MUC3A: variants seen among roughly 807,000 people sequenced by gnomAD.
MUC3A encodes the protein mucin-3A.
MUC3A carries 109 observed loss-of-function variants against 109.0 expected under a neutral mutation model. The observed-to-expected ratio is 1.00, with a 90% CI of 0.86 to 1.17. MUC3A has a LOEUF of 1.17. Among genes scored for constraint, MUC3A ranks in the 50% most tolerant of loss-of-function variants. The pLI is 0.00. For missense variants in MUC3A, 3,537 were observed against 2,469.4 expected, an observed-to-expected ratio of 1.43 and a Z score of -9.16; for synonymous variants, 1,398 against 981.4, an observed-to-expected ratio of 1.42 and a Z score of -7.93.
rs1307200115 is a variant in MUC3A, at chr7:100,951,914, C to T, written c.135C>T (p.Ser45=). ...PRAEAASAVL[S]NSPHSRDLAG... is the part of the protein sequence containing the mutation. Reference sequence around the variant, plus strand: ...CAGAAGCAGCCAGCGCTGTGCTCAGCAATTCTCCACACTCCAGAGACCTGG... The same window carrying T: ...CAGAAGCAGCCAGCGCTGTGCTCAGTAATTCTCCACACTCCAGAGACCTGG... The change falls in exon 2 of 12, where the codon AGC becomes AGT. Residue 45 remains serine (S), a synonymous_variant. Transcript: ENST00000379458. The T allele has an allele frequency of 2.5e-6, 4 of 1,598,516 alleles. No homozygotes were observed. The highest frequency in any genetic ancestry group is 1.3e-5 in the African/African-American group (1 of 74,958).
At chr7:100,966,177 C>T in intron 8 of MUC3A, 1 of 546,298 alleles carries the variant, frequency 1.8e-6, no homozygotes, top group Non-Finnish European at 2.8e-6. Context: ...GCCCTGCCCA[C>T]TTGATCTAAG....
chr7:100,967,034 A>T, intron 11 of MUC3A, 83 bp downstream of exon 11: 2 of 1,598,444 alleles, frequency 1.3e-6, no homozygotes, highest in Non-Finnish European at 1.7e-6. Flanking sequence ...CAGGGCAGGG[A>T]GGGGGCTGGG....
chr7:100,953,197 C>G lies in MUC3A; in HGVS notation c.1418C>G (p.Thr473Arg). 3.3e-6 allele frequency: 2 copies of G among 599,498 alleles called. No homozygotes were observed. The highest frequency in any genetic ancestry group is 2.8e-5 in the East Asian group (1 of 35,988). 37.1% of individuals were successfully genotyped at this position (599,498 alleles called of 1,614,324 possible). Residue 473 changes from threonine (T) to arginine (R), a missense_variant, in exon 2 of 12, where the codon ACG becomes AGG. Physicochemically the swap from Thr to Arg is moderately conservative, Grantham distance 71. Transcript: ENST00000379458. ...TTATDLTSTFTVSSSSAMSTS... is the reference protein window; with the variant it reads ...TTATDLTSTFRVSSSSAMSTS... ...GCAACAGACCTCACATCAACATTCA[C>G]GGTTTCCAGTTCCTCAGCAATGTCC...
In MUC3A at chr7:100,967,488, A is replaced by C. The variant is rs1282241896; in HGVS notation, c.*326A>C. On this transcript the variant is annotated 3_prime_UTR_variant, in exon 12 of 12. Transcript: ENST00000379458. The stretch of plus-strand genomic sequence containing the variant: ...TTGTGAAAACCACATAGACTTGGTC[A>C]ATTCTCGGTCCTACTCTGCCCTCCC... 1.1e-5 allele frequency: 6 copies of C among 556,926 alleles called. No individual in the cohort carries two copies. The highest frequency in any genetic ancestry group is 7.5e-5 in the African/African-American group (4 of 53,342). The allele number at this position is 556,926 out of a possible 1,614,324, so 34.5% of individuals were successfully genotyped here.
In MUC3A at chr7:100,958,152, C is replaced by T; in HGVS notation, c.6373C>T (p.Pro2125Ser). Residue 2125 changes from proline to serine, a missense_variant, in exon 2 of 12, where the codon CCC (proline) becomes TCC (serine). Coordinates refer to ENST00000379458, the MANE Select transcript of MUC3A (RefSeq NM_005960.2). Reference protein sequence around the residue: ...TTSEMPSHSTPSFTSSITTTE... With the variant: ...TTSEMPSHSTSSFTSSITTTE... Reference sequence around the variant, plus strand: ...CTCTGAGATGCCCTCACACAGTACTCCCAGCTTCACTTCTTCGATCACCAC... The same window carrying T: ...CTCTGAGATGCCCTCACACAGTACTTCCAGCTTCACTTCTTCGATCACCAC... The T allele has an allele frequency of 8.1e-7, 1 of 1,233,740 alleles. No individual in the cohort carries two copies. Among genetic ancestry groups the T allele is most frequent in the Non-Finnish European group, 1.2e-6 (1 of 859,678 alleles). The allele number at this position is 1,233,740 out of a possible 1,614,324, so 76.4% of individuals were successfully genotyped here.
chr7:100,965,187 C>T, intron 6 of MUC3A, 95 bp from the exon 7 acceptor site: 1 of 1,539,058 alleles, frequency 6.5e-7, no homozygotes, highest in Non-Finnish European at 8.7e-7. Context: ...GCCCTCACTG[C>T]CCTCCCTGTG....
chr7:100,965,860 C>T lies in MUC3A; in HGVS notation c.9605C>T (p.Thr3202Met), dbSNP rs587733528. ...TGCGTTCTGGAGACGAGCGGTCCCA[C>T]GTGTCGGTAAGGCCCCGCTCACCAT... ...GQCVLETSGPTCRCYSTDTHW... is the reference protein window; with the variant it reads ...GQCVLETSGPMCRCYSTDTHW... The change falls in exon 8 of 12, where the codon ACG becomes ATG. Residue 3202 changes from threonine (T) to methionine (M), a missense_variant. Coordinates refer to ENST00000379458, the MANE Select transcript of MUC3A (RefSeq NM_005960.2). 1.9e-6 allele frequency: 3 copies of T among 1,591,892 alleles called. No individual in the cohort carries two copies. The South Asian group carries it at 3.3e-5, about 18-fold the overall frequency.
Position 100,952,233 on chromosome 7 carries a change from G to T in MUC3A, c.454G>T (p.Ala152Ser), listed in dbSNP as rs74193966. The T allele has an allele frequency of 1.9e-6, 3 of 1,597,702 alleles. No homozygotes were observed. The highest frequency in any genetic ancestry group is 1.7e-6 in the Non-Finnish European group (2 of 1,179,196). Reference sequence around the variant, plus strand: ...CATCTGTGTGACCACGACGCAGGTGGCCTTCACCAGCTCTTACACCTCGAC... The same window carrying T: ...CATCTGTGTGACCACGACGCAGGTGTCCTTCACCAGCTCTTACACCTCGAC... ...TSICVTTTQV[A>S]FTSSYTSTPV... The change falls in exon 2 of 12, where the codon GCC (alanine) becomes TCC (serine). Residue 152 changes from alanine to serine, a missense_variant. Transcript: ENST00000379458.
chr7:100,958,512 A>G lies in MUC3A; in HGVS notation c.6733A>G (p.Thr2245Ala). The G allele has an allele frequency of 1.0e-5, 13 of 1,289,100 alleles. No homozygotes were observed. Among genetic ancestry groups the G allele is most frequent in the Non-Finnish European group, 1.4e-5 (13 of 902,578 alleles). The allele number at this position is 1,289,100 out of a possible 1,614,324, so 79.9% of individuals were successfully genotyped here. ...TCCCGGCTTCACTTCTTCAATCACC[A>G]CCACTGAGACTACATCCCACAGTAC... ...STPGFTSSIT[T>A]TETTSHSTPS... The change falls in exon 2 of 12, where the codon ACC (threonine) becomes GCC (alanine). Residue 2245 changes from threonine to alanine, a missense_variant. Thr to Ala is a moderately conservative substitution (Grantham distance 58, BLOSUM62 0). Coordinates refer to ENST00000379458, the MANE Select transcript of MUC3A (RefSeq NM_005960.2).
rs1792348862 is a variant in MUC3A at position 100,962,105 on chromosome 7, G to A, written c.9053-1046G>A. On this transcript the variant is annotated intron_variant, in intron 3 of 11. Coordinates refer to ENST00000379458, the MANE Select transcript of MUC3A (RefSeq NM_005960.2). ...AAATTAGCCGGGCGTAGTGGCGGGC[G>A]CCTGTAGTCCCAGCTACTTGGGAGG... Among the ~76,000 whole-genome samples, 3 of 102,184 alleles carry A rather than the reference G, an allele frequency of 2.9e-5. 1 individual carries two copies. The South Asian group carries it at 1.0e-3, about 35-fold the overall frequency. 67.0% of individuals were successfully genotyped at this position (102,184 alleles called of 152,430 possible). A position where few individuals can be genotyped will look rare whatever the true frequency, so the allele number is the denominator to read the frequency against.
Position 100,958,992 on chromosome 7 carries a change from A to C in MUC3A, c.7213A>C (p.Ile2405Leu), listed in dbSNP as rs771026471. Residue 2405 changes from isoleucine (I) to leucine (L), a missense_variant, in exon 2 of 12, where the codon ATT becomes CTT. Coordinates refer to ENST00000379458, the MANE Select transcript of MUC3A (RefSeq NM_005960.2). ...CACCACCACCAAGACCACCTCACAC[A>C]TTACTCCTGGCCTCACTTCTTCAAT... ...WVTTTKTTSH[I>L]TPGLTSSITT... The C allele has an allele frequency of 6.4e-7, 1 of 1,573,902 alleles. No homozygotes were observed. The highest frequency in any genetic ancestry group is 8.6e-7 in the Non-Finnish European group (1 of 1,167,800).
At chr7:100,966,148 C>CCCCTTGTTCTAGGGTGGATCCCCGCA in intron 8 of MUC3A, 1 of 515,200 alleles carries the variant, frequency 1.9e-6, no homozygotes, top group Non-Finnish European at 3.1e-6. Flanking sequence ...TGAACCCCGC[C>CCCCTTGTTCTAGGGTGGATCCCCGCA]CCCTCCTTCT....
Position 100,960,826 on chromosome 7 carries a change from C to G in MUC3A, c.8941C>G (p.Gln2981Glu). 4.4e-6 allele frequency: 7 copies of G among 1,598,530 alleles called. No homozygotes were observed. The highest frequency in any genetic ancestry group is 5.9e-6 in the Non-Finnish European group (7 of 1,179,812). Residue 2981 changes from glutamine to glutamate, a missense_variant, in exon 3 of 12, where the codon CAG becomes GAG. Coordinates refer to ENST00000379458, the MANE Select transcript of MUC3A (RefSeq NM_005960.2). ...CLPGFSGDRC[Q>E]LQTRCQNGGQ... ...TCCGGGGTTTTCTGGGGACCGCTGT[C>G]AGCTCCAGACCAGATGCCAGAATGG...
Position 100,959,826 on chromosome 7 carries a change from T to G in MUC3A, c.8047T>G (p.Ser2683Ala). The G allele has an allele frequency of 1.3e-6, 2 of 1,581,400 alleles. No homozygotes were observed. Among genetic ancestry groups the G allele is most frequent in the Non-Finnish European group, 1.7e-6 (2 of 1,171,448 alleles). The change falls in exon 2 of 12, where the codon TCC becomes GCC. Residue 2683 changes from serine to alanine, a missense_variant. Coordinates refer to ENST00000379458, the MANE Select transcript of MUC3A (RefSeq NM_005960.2). The stretch of plus-strand genomic sequence containing the variant: ...GACTTCTTTTAGTACCATCATCTGG[T>G]CCTCAACACCCACTATTATCATGTC... ...ILTSFSTIIW[S>A]STPTIIMSSS...
rs1792109098 is a variant in MUC3A at position 100,956,830 on chromosome 7, C to G, written c.5051C>G (p.Pro1684Arg). 1.2e-5 allele frequency: 5 copies of G among 412,770 alleles called. No homozygotes were observed. In the East Asian group the frequency reaches 1.8e-4, roughly 15 times the overall value. The allele number at this position is 412,770 out of a possible 1,614,324, so 25.6% of individuals were successfully genotyped here. A position where few individuals can be genotyped will look rare whatever the true frequency, so the allele number is the denominator to read the frequency against. The change falls in exon 2 of 12, where the codon CCA (proline) becomes CGA (arginine). Residue 1684 changes from proline to arginine, a missense_variant. Coordinates refer to ENST00000379458, the MANE Select transcript of MUC3A (RefSeq NM_005960.2). ...TTHTQSISSP[P>R]AITSTLHTTA... is the part of the protein sequence containing the mutation. ...CACACCCAGAGTATCTCCTCACCCC[C>G]AGCCATCACCAGTACACTCCACACA...
chr7:100,958,032 AC>A lies in MUC3A; in HGVS notation c.6258del (p.Ser2087HisfsTer78). 2.1e-6 allele frequency: 2 copies of A among 966,992 alleles called. No homozygotes were observed. Among genetic ancestry groups the A allele is most frequent in the African/African-American group, 4.0e-5 (1 of 24,766 alleles). The allele number at this position is 966,992 out of a possible 1,614,324, so 59.9% of individuals were successfully genotyped here. ...SYTTSITTTE[T>X]PSHSTLSFTS... ...CACTACCTCAATCACCACCACCGAGACCCCCTCACACAGTACTCTCAGCTTC... is the reference window on the plus strand; with the variant it reads ...CACTACCTCAATCACCACCACCGAGACCCCTCACACAGTACTCTCAGCTTC... On this transcript the variant is annotated frameshift_variant, in exon 2 of 12. Coordinates refer to ENST00000379458, the MANE Select transcript of MUC3A (RefSeq NM_005960.2). LOFTEE classifies it high-confidence loss of function.
Position 100,949,577 on chromosome 7 carries a change from T to C in MUC3A, c.-48T>C, listed in dbSNP as rs1489745836. On this transcript the variant is annotated 5_prime_UTR_variant, in exon 1 of 12. Transcript: ENST00000379458. ...CCCCAGGGCCACGTCCCTGCCGCTG[T>C]CTTGGTCCTGAAGCCTGTTCTGCCC... 1 of 1,495,042 alleles carries C rather than the reference T, an allele frequency of 6.7e-7. No individual in the cohort carries two copies. Among genetic ancestry groups the C allele is most frequent in the Non-Finnish European group, 8.9e-7 (1 of 1,127,218 alleles). 92.6% of individuals were successfully genotyped at this position (1,495,042 alleles called of 1,614,324 possible).
rs1792090095 is a variant in MUC3A at position 100,956,141 on chromosome 7, C to T, written c.4362C>T (p.Thr1454=). Residue 1454 remains threonine, a synonymous_variant, in exon 2 of 12, where the codon ACC becomes ACT. Transcript: ENST00000379458. The part of the protein sequence containing the change: ...TLVTTLPITI[T]RSTLTSETAY... Reference sequence around the variant, plus strand: ...TGACTACACTCCCCATTACCATCACCAGGTCTACACTTACATCTGAGACCG... The same window carrying T: ...TGACTACACTCCCCATTACCATCACTAGGTCTACACTTACATCTGAGACCG... 2.3e-6 allele frequency: 1 copy of T among 439,632 alleles called. No homozygotes were observed. The allele number at this position is 439,632 out of a possible 1,614,324, so 27.2% of individuals were successfully genotyped here.
rs375204809 is a variant in MUC3A, at chr7:100,966,880, C to T, written c.9878-19C>T. 2.5e-6 allele frequency: 4 copies of T among 1,598,516 alleles called. No individual in the cohort carries two copies. The highest frequency in any genetic ancestry group is 2.2e-5 in the East Asian group (1 of 44,888). On this transcript the variant is annotated intron_variant, in intron 10 of 11. Coordinates refer to ENST00000379458, the MANE Select transcript of MUC3A (RefSeq NM_005960.2). ...CCCTCCCTCTCCCCTTCTCTTTCTC[C>T]GCTCCTCTCTCTCTCTAGACAAGGA...
Sources: gnomAD v4.1 joint callset for allele counts (sites outside exome capture counted in the v4.1 genomes callset) on GRCh38, gnomAD v4.1.1 for gene constraint, MANE v1.5 for transcripts, NCBI Gene and HGNC (gene_info 2026-07-23, HGNC 2026-07-21) for gene names.